Variants in AUTS2 observed in about 807,000 individuals in gnomAD.
The protein encoded by AUTS2 is autism susceptibility gene 2 protein.
Under a neutral mutation model 112.4 loss-of-function variants are expected in AUTS2, and 17 were observed. That is an observed-to-expected ratio of 0.15 (90% confidence interval 0.10 to 0.23). The LOEUF (loss-of-function observed/expected upper bound fraction) is 0.23, where lower values mean the gene tolerates loss of function less well. Among genes scored for constraint, AUTS2 ranks in the 10% least tolerant of loss-of-function variants. The probability of loss-of-function intolerance (pLI) is 1.00; values close to 1 mark genes in which losing one functional copy is unlikely to be tolerated. For missense variants in AUTS2, 1,510 were observed against 1,701.6 expected (o/e 0.89, Z 1.98); for synonymous variants, 751 against 702.7 (o/e 1.07, Z -1.09).
At chr7:69,601,596 T>A (rs896832863) in intron 1 of AUTS2, among the ~76,000 whole-genome samples, 1 of 151,986 alleles carries the variant, frequency 6.6e-6, no homozygotes, top group Non-Finnish European at 1.5e-5. Context: ...GTGATGGTGA[T>A]GTTGGTGGTA....
chr7:70,528,916 A>G (rs1340042385), intron 5 of AUTS2, among the ~76,000 whole-genome samples: 2 of 152,146 alleles, frequency 1.3e-5, no homozygotes, highest in African/African-American at 4.8e-5. Context: ...GAAGGAGGAT[A>G]ATAGCAACCA....
intron 4 of AUTS2, among the ~76,000 whole-genome samples, chr7:70,185,090 G>C (rs1809527056): frequency 2.0e-5 from 3 of 151,770 alleles, no homozygotes; most frequent in Admixed American, 2.0e-4. Context: ...TATCTCCATT[G>C]CTCAGCAAAG....
chr7:70,539,808 C>T (rs1585274492), intron 5 of AUTS2, among the ~76,000 whole-genome samples: 1 of 152,080 alleles, frequency 6.6e-6, no homozygotes, highest in East Asian at 1.9e-4. Context: ...CTGGTGTCTG[C>T]TGTGCGGGAA....
intron 2 of AUTS2, among the ~76,000 whole-genome samples, chr7:70,030,573 C>T (rs1800729337): frequency 6.6e-6 from 1 of 152,062 alleles, no homozygotes; most frequent in Non-Finnish European, 1.5e-5. Flanking sequence ...ATATACCCTT[C>T]TCCTTCTTGA....
At chr7:70,597,327 C>T (rs936376221) in intron 5 of AUTS2, among the ~76,000 whole-genome samples, 1 of 152,184 alleles carries the variant, frequency 6.6e-6, no homozygotes, top group Non-Finnish European at 1.5e-5. Context: ...TCTCTCCTGC[C>T]GGGGTATTAA....
chr7:70,248,207 A>T (rs1442437868), intron 4 of AUTS2, among the ~76,000 whole-genome samples: 1 of 152,084 alleles, frequency 6.6e-6, no homozygotes, highest in African/African-American at 2.4e-5. Flanking sequence ...GAGGATTGGT[A>T]TCAAGATTCT....
rs1035198230 is a variant in AUTS2, at chr7:70,369,082, C to G, written c.661-66670C>G. On this transcript the variant is annotated intron_variant, in intron 4 of 18. Transcript: ENST00000342771. ...CCCATCAATAATTTTCCCAAGAGAG[C>G]GATTTCTACTGTAACAGCACATAGC... is the stretch of plus-strand genomic sequence containing the variant. Among the ~76,000 whole-genome samples the G allele has an allele frequency of 2.0e-5, 3 of 152,046 alleles. No individual in the cohort carries two copies. The East Asian group carries it at 5.8e-4, about 29-fold the overall frequency.
chr7:69,784,092 A>G (rs1456081239), intron 1 of AUTS2, among the ~76,000 whole-genome samples: 2 of 152,162 alleles, frequency 1.3e-5, no homozygotes, highest in Admixed American at 6.5e-5. Context: ...ACTACCCAAA[A>G]TGACACCGAA....
At position 69,857,032 on chromosome 7, in the gene AUTS2, C is replaced by G. The variant is rs555031184; in HGVS notation, c.310-42254C>G. 3.9e-5 allele frequency among the ~76,000 whole-genome samples: 6 copies of G among 152,268 alleles called. No homozygotes were observed. The East Asian group carries it at 1.2e-3, about 29-fold the overall frequency. ...CAGAAGCTATTTCTTTTTATTTTCCCCTGTTAAATCAGTATAATGAGATTC... is the reference window on the plus strand; with the variant it reads ...CAGAAGCTATTTCTTTTTATTTTCCGCTGTTAAATCAGTATAATGAGATTC... On this transcript the variant is annotated intron_variant, in intron 1 of 18. Coordinates refer to ENST00000342771, the MANE Select transcript of AUTS2 (RefSeq NM_015570.4).
chr7:70,328,588 C>T (rs554644846), intron 4 of AUTS2, among the ~76,000 whole-genome samples: 2 of 152,162 alleles, frequency 1.3e-5, no homozygotes, highest in South Asian at 4.2e-4. Flanking sequence ...CTTTTTGTTC[C>T]TGTTGGGTTA....
At chr7:69,918,749 T>G (rs1456413701) in intron 2 of AUTS2, among the ~76,000 whole-genome samples, 2 of 152,148 alleles carry the variant, frequency 1.3e-5, no homozygotes, top group Admixed American at 6.5e-5. Context: ...TTTCCATGAG[T>G]CAAGGCACAA....
chr7:70,165,797 T>C (rs559452255), intron 4 of AUTS2, among the ~76,000 whole-genome samples: 1 of 152,310 alleles, frequency 6.6e-6, no homozygotes, highest in African/African-American at 2.4e-5. Flanking sequence ...TTCTAATCTT[T>C]TGAAATGAGA....
chr7:70,622,967 C>T (rs1412669333), intron 5 of AUTS2, among the ~76,000 whole-genome samples: 2 of 152,304 alleles, frequency 1.3e-5, no homozygotes, highest in Middle Eastern at 3.4e-3. Context: ...GATTCTAGAC[C>T]ATTACAAGTG....
At chr7:70,231,015 A>T (rs1812019219) in intron 4 of AUTS2, among the ~76,000 whole-genome samples, 1 of 152,142 alleles carries the variant, frequency 6.6e-6, no homozygotes, top group Non-Finnish European at 1.5e-5. Flanking sequence ...AGTGCTATAG[A>T]CTCTCACTGT....
At chr7:69,981,951 C>T (rs1798311737) in intron 2 of AUTS2, among the ~76,000 whole-genome samples, 1 of 152,164 alleles carries the variant, frequency 6.6e-6, no homozygotes, top group Non-Finnish European at 1.5e-5. Context: ...GGTAGCTAAT[C>T]ATGAGTTTTT....
chr7:69,740,978 T>A (rs988808911), intron 1 of AUTS2, among the ~76,000 whole-genome samples: 2 of 152,152 alleles, frequency 1.3e-5, no homozygotes, highest in African/African-American at 4.8e-5. Flanking sequence ...TAAAAAAAGT[T>A]CTGCTTCTAG....
intron 5 of AUTS2, among the ~76,000 whole-genome samples, chr7:70,576,467 T>C (rs995138877): frequency 1.3e-5 from 2 of 152,198 alleles, no homozygotes; most frequent in African/African-American, 4.8e-5. Context: ...GGGGTTGATG[T>C]TGTGGAACCT....
At chr7:70,440,779 T>G (rs1265332552) in intron 5 of AUTS2, among the ~76,000 whole-genome samples, 1 of 152,182 alleles carries the variant, frequency 6.6e-6, no homozygotes, top group Non-Finnish European at 1.5e-5. Context: ...AGGGATCAAA[T>G]GGTGATTAAG....
intron 1 of AUTS2, among the ~76,000 whole-genome samples, chr7:69,803,527 GA>G (rs61457596): frequency 6.7e-6 from 1 of 149,108 alleles, no homozygotes; most frequent in African/African-American, 2.5e-5. Flanking sequence ...ACCATCTTTG[GA>G]AAAAAAAAAA....
Sources: allele counts gnomAD v4.1 joint callset (sites outside exome capture counted in the v4.1 genomes callset), GRCh38; gene constraint gnomAD v4.1.1; transcripts MANE v1.5; gene names NCBI Gene and HGNC (gene_info 2026-07-23, HGNC 2026-07-21).